The following PIK3AP1 variants were observed in gnomAD, a reference collection of about 807,000 sequenced individuals.
PIK3AP1 encodes the protein phosphoinositide-3-kinase adaptor protein 1, also known as phosphoinositide 3-kinase adapter protein 1.
PIK3AP1 carries 21 observed loss-of-function variants against 88.1 expected under a neutral mutation model. The ratio of observed to expected loss-of-function variants is 0.24; its 90% CI spans 0.17 to 0.34. PIK3AP1 has a LOEUF of 0.34. Among genes scored for constraint, PIK3AP1 ranks in the 10% least tolerant of loss-of-function variants. The pLI, the probability that PIK3AP1 is intolerant of heterozygous loss-of-function variation, is 1.00. For synonymous variants in PIK3AP1, 398 were observed against 400.0 expected, an observed-to-expected ratio of 1.00 and a Z score of 0.06; for missense variants, 828 against 1,035.7, an observed-to-expected ratio of 0.80 and a Z score of 2.75.
intron 2 of PIK3AP1, among the ~76,000 whole-genome samples, chr10:96,680,735 G>A (rs1160033474): frequency 4.6e-5 from 7 of 152,150 alleles, no homozygotes; most frequent in Non-Finnish European, 7.3e-5. Context: ...TTGAGTCTAC[G>A]TCTTTGGTAT....
chr10:96,634,171 C>T (rs1474296620), intron 8 of PIK3AP1, among the ~76,000 whole-genome samples: 1 of 152,184 alleles, frequency 6.6e-6, no homozygotes, highest in Admixed American at 6.5e-5. Flanking sequence ...AGGACCATAG[C>T]GAGAGGCCAA....
chr10:96,643,546 T>C (rs543653424), intron 8 of PIK3AP1, among the ~76,000 whole-genome samples: 1 of 152,302 alleles, frequency 6.6e-6, no homozygotes, highest in South Asian at 2.1e-4. Context: ...CACCAGCACT[T>C]CTAAGCCTCC....
chr10:96,611,681 G>T (rs1255783221), intron 13 of PIK3AP1, among the ~76,000 whole-genome samples: 4 of 152,052 alleles, frequency 2.6e-5, no homozygotes, highest in Non-Finnish European at 4.4e-5. Context: ...TGTTGGCCAG[G>T]ATGGTCTCAA....
chr10:96,615,531 G>A (rs1849201487), intron 13 of PIK3AP1, among the ~76,000 whole-genome samples: 1 of 152,146 alleles, frequency 6.6e-6, no homozygotes, highest in South Asian at 2.1e-4. Context: ...AACATCTGTG[G>A]ACTGCTGATG....
chr10:96,718,009 G>A (rs1268108593), intron 1 of PIK3AP1, among the ~76,000 whole-genome samples: 1 of 152,166 alleles, frequency 6.6e-6, no homozygotes, highest in Non-Finnish European at 1.5e-5. Flanking sequence ...AAGCTACAGT[G>A]GGATGAACTT....
intron 2 of PIK3AP1, among the ~76,000 whole-genome samples, chr10:96,706,520 G>T (rs747114621): frequency 6.6e-5 from 10 of 152,136 alleles, no homozygotes; most frequent in Non-Finnish European, 1.3e-4. Context: ...AATGTGGCAA[G>T]AAGGTCATAC....
chr10:96,694,016 T>C (rs1844188565), intron 2 of PIK3AP1, among the ~76,000 whole-genome samples: 1 of 152,162 alleles, frequency 6.6e-6, no homozygotes, highest in Non-Finnish European at 1.5e-5. Context: ...TTGCCATAAT[T>C]ACAAGCTGGG....
chr10:96,596,208 C>T (rs775165511), intron 16 of PIK3AP1, among the ~76,000 whole-genome samples: 10 of 152,224 alleles, frequency 6.6e-5, no homozygotes, highest in Non-Finnish European at 1.5e-4. Context: ...AGGTACCAGA[C>T]GACTAGAGTC....
intron 3 of PIK3AP1, among the ~76,000 whole-genome samples, chr10:96,653,208 C>A (rs1288338224): frequency 1.3e-5 from 2 of 151,724 alleles, no homozygotes; most frequent in Non-Finnish European, 2.9e-5. Flanking sequence ...AGTTTGAGAC[C>A]AGCCTGGCCA....
chr10:96,658,378 T>G (rs767751507), intron 2 of PIK3AP1, among the ~76,000 whole-genome samples: 51 of 152,242 alleles, frequency 3.3e-4, no homozygotes, highest in Middle Eastern at 3.4e-3. Context: ...CAGCTGCTGA[T>G]AGGCACCCTG....
At chr10:96,656,300 A>G (rs1019342032) in intron 3 of PIK3AP1, among the ~76,000 whole-genome samples, 1 of 152,232 alleles carries the variant, frequency 6.6e-6, no homozygotes, top group African/African-American at 2.4e-5. Flanking sequence ...TGCTAGTCAT[A>G]TGATGTATGG....
At chr10:96,665,353 C>T (rs1018969248) in intron 2 of PIK3AP1, among the ~76,000 whole-genome samples, 1 of 152,180 alleles carries the variant, frequency 6.6e-6, no homozygotes, top group East Asian at 1.9e-4. Context: ...ATAAAAGGAA[C>T]GAGCGAACAT....
At chr10:96,628,807 T>C (rs1202323969) in intron 8 of PIK3AP1, among the ~76,000 whole-genome samples, 1 of 150,048 alleles carries the variant, frequency 6.7e-6, no homozygotes, top group African/African-American at 2.5e-5. Flanking sequence ...CAGAAAAAAA[T>C]GGAAGCAGGA....
At chr10:96,703,605 G>A (rs1187725538) in intron 2 of PIK3AP1, among the ~76,000 whole-genome samples, 2 of 152,084 alleles carry the variant, frequency 1.3e-5, no homozygotes, top group Middle Eastern at 3.2e-3. Flanking sequence ...AAAGAATAGA[G>A]CCCCAGTAAA....
chr10:96,632,773 G>C (rs1843261500), intron 8 of PIK3AP1: 1 of 1,325,074 alleles, frequency 7.5e-7, no homozygotes, highest in Non-Finnish European at 1.0e-6. Context: ...TGGGCATTAG[G>C]ATCGCAATGC....
intron 8 of PIK3AP1, among the ~76,000 whole-genome samples, chr10:96,635,135 C>T (rs1843296023): frequency 6.6e-6 from 1 of 152,196 alleles, no homozygotes; most frequent in Non-Finnish European, 1.5e-5. Context: ...TTGATTCCAT[C>T]TGTAATCTTA....
At chr10:96,622,925 A>G (rs1347060130) in intron 11 of PIK3AP1, among the ~76,000 whole-genome samples, 1 of 152,272 alleles carries the variant, frequency 6.6e-6, no homozygotes, top group African/African-American at 2.4e-5. Context: ...TTTAGCTAGT[A>G]TAGATAAGGT....
chr10:96,663,177 T>C (rs1843716154), intron 2 of PIK3AP1, among the ~76,000 whole-genome samples: 1 of 151,864 alleles, frequency 6.6e-6, no homozygotes, highest in Non-Finnish European at 1.5e-5. Context: ...AGGTATGAAA[T>C]TTCTTTCTGA....
chr10:96,663,289 A>T (rs1455936566), intron 2 of PIK3AP1, among the ~76,000 whole-genome samples: 1 of 152,126 alleles, frequency 6.6e-6, no homozygotes, highest in African/African-American at 2.4e-5. Flanking sequence ...TGAATTGTAC[A>T]CTTTAAATGG....
Sources: allele counts gnomAD v4.1 joint callset (sites outside exome capture counted in the v4.1 genomes callset), GRCh38; gene constraint gnomAD v4.1.1; transcripts MANE v1.5; gene names NCBI Gene and HGNC (gene_info 2026-07-23, HGNC 2026-07-21).